The following NSUN3 variants were observed in gnomAD, a reference collection of about 807,000 sequenced individuals.
NSUN3 encodes tRNA (cytosine(34)-C(5))-methyltransferase, mitochondrial.
In NSUN3, 24 loss-of-function variants were observed where a neutral mutation model predicts 36.8. That is an observed-to-expected ratio of 0.65 (90% CI 0.47 to 0.92). NSUN3 has a LOEUF of 0.92. NSUN3 is among the 40% of genes least tolerant of loss of function. The pLI, the probability that NSUN3 is intolerant of heterozygous loss-of-function variation, is 0.00. For synonymous variants in NSUN3, 146 were observed against 145.2 expected, an observed-to-expected ratio of 1.01 and a Z score of -0.04; for missense variants, 381 against 392.8, an observed-to-expected ratio of 0.97 and a Z score of 0.25.
At chr3:94,099,362 GT>G (rs1560036822) in intron 5 of NSUN3, among the ~76,000 whole-genome samples, 1 of 152,014 alleles carries the variant, frequency 6.6e-6, no homozygotes, top group Non-Finnish European at 1.5e-5. Context: ...AGGCTCTTCT[GT>G]AGTGGCCACT....
intron 2 of NSUN3, among the ~76,000 whole-genome samples, chr3:94,079,763 T>C (rs1186554259): frequency 6.6e-6 from 1 of 152,046 alleles, no homozygotes; most frequent in African/African-American, 2.4e-5. Context: ...TCGTGCTGTG[T>C]TTTTCAGCTC....
chr3:94,082,189 A>G (rs2077272137), intron 2 of NSUN3: 1 of 152,176 alleles, frequency 6.6e-6, no homozygotes, highest in South Asian at 2.1e-4. Flanking sequence ...AACTGCCGTA[A>G]GACTTATAAT....
intron 3 of NSUN3, among the ~76,000 whole-genome samples, chr3:94,092,919 C>CA (rs1161530879): frequency 0.06 from 1,479 of 24,548 alleles, 349 homozygotes; most frequent in African/African-American, 0.21. Context: ...GACTGCATCT[C>CA]AAAAAAAAAA....
chr3:94,124,895 A>G (rs1375768651), intron 5 of NSUN3, among the ~76,000 whole-genome samples: 1 of 152,170 alleles, frequency 6.6e-6, no homozygotes, highest in Admixed American at 6.5e-5. Context: ...GGCTCAATAA[A>G]TAATAATGAG....
At chr3:94,116,032 T>C (rs993844652) in intron 5 of NSUN3, among the ~76,000 whole-genome samples, 10 of 152,216 alleles carry the variant, frequency 6.6e-5, no homozygotes, top group African/African-American at 2.4e-4. Context: ...TTATTTTAGT[T>C]TTTCAAGATC....
intron 5 of NSUN3, 135 bp from the exon 6 acceptor site, chr3:94,126,076 C>A: frequency 3.1e-5 from 20 of 645,100 alleles, no homozygotes; most frequent in Non-Finnish European, 4.3e-5. Flanking sequence ...AAAAAAAAGA[C>A]TAGAAAACAT....
In NSUN3 at chr3:94,126,052, T is replaced by C. The variant is rs1240085469; in HGVS notation, c.744-159T>C. 3.3e-5 allele frequency among the ~76,000 whole-genome samples: 5 copies of C among 150,564 alleles called. No individual in the cohort carries two copies. In the South Asian group the frequency reaches 1.0e-3, roughly 32 times the overall value. The stretch of plus-strand genomic sequence containing the variant: ...TCCAGCCTGGGTGACAAAGTTAGAC[T>C]CTGTCTCAAAAAAAAAAAAAAGACT... On this transcript the variant is annotated intron_variant, in intron 5 of 5. Transcript: ENST00000314622.
intron 3 of NSUN3, among the ~76,000 whole-genome samples, chr3:94,087,709 T>C (rs2077297439): frequency 6.6e-6 from 1 of 152,224 alleles, no homozygotes; most frequent in African/African-American, 2.4e-5. Flanking sequence ...CTTGCTCTGT[T>C]GCTCAGGCTG....
intron 2 of NSUN3, among the ~76,000 whole-genome samples, chr3:94,071,502 C>T (rs1192065800): frequency 2.6e-5 from 4 of 152,090 alleles, no homozygotes; most frequent in African/African-American, 9.7e-5. Flanking sequence ...ATTTAGTTTC[C>T]ACTGGGCACA....
At chr3:94,085,035 C>A (rs2077286012) in intron 3 of NSUN3, 1 of 151,926 alleles carries the variant, frequency 6.6e-6, no homozygotes, top group Admixed American at 6.6e-5. Context: ...TACATTCTCT[C>A]TTTTTTTTAC....
At chr3:94,102,084 A>C (rs2077368111) in intron 5 of NSUN3, among the ~76,000 whole-genome samples, 2 of 151,850 alleles carry the variant, frequency 1.3e-5, no homozygotes, top group South Asian at 4.2e-4. Context: ...TTGTGAGCTC[A>C]TTGAAAAAGG....
rs368296768 is a variant in NSUN3 at position 94,095,039 on chromosome 3, G to T, written c.628G>T (p.Val210Leu). ...TTGTCTTTTTTTTCTCTAGGTGTTA[G>T]TGGATGCTCCGTGTTCAAATGATCG... ...AQPEMFDKVL[V>L]DAPCSNDRSW... The change falls in exon 5 of 6, where the codon GTG becomes TTG. Residue 210 changes from valine to leucine, a missense_variant. Transcript: ENST00000314622. 1 of 1,613,750 alleles carries T rather than the reference G, an allele frequency of 6.2e-7. No individual in the cohort carries two copies. The highest frequency in any genetic ancestry group is 1.3e-5 in the African/African-American group (1 of 74,906).
intron 5 of NSUN3, among the ~76,000 whole-genome samples, chr3:94,118,433 A>G (rs2077449047): frequency 6.6e-6 from 1 of 152,160 alleles, no homozygotes; most frequent in Admixed American, 6.5e-5. Context: ...TTTAAGTATG[A>G]TTAGAAAGTT....
chr3:94,097,432 C>T lies in NSUN3; in HGVS notation c.743+2278C>T, dbSNP rs543104543. ...GATCTACTTTGTTCTCTTTAACTTA[C>T]GTGAAACATTCAAGAGGATCTATTG... On this transcript the variant is annotated intron_variant, in intron 5 of 5. Transcript: ENST00000314622. 9.2e-5 allele frequency among the ~76,000 whole-genome samples: 14 copies of T among 151,686 alleles called. 1 individual carries two copies. In the South Asian group the frequency reaches 2.3e-3, roughly 25 times the overall value.
chr3:94,077,726 A>G (rs1303315602), intron 2 of NSUN3, among the ~76,000 whole-genome samples: 1 of 152,216 alleles, frequency 6.6e-6, no homozygotes, highest in African/African-American at 2.4e-5. Context: ...TCATTTGCAT[A>G]GAGGTGTTTA....
chr3:94,076,704 G>T, intron 2 of NSUN3: 2 of 1,289,410 alleles, frequency 1.6e-6, no homozygotes, highest in Non-Finnish European at 2.3e-6. Flanking sequence ...GGTTTAGGAT[G>T]TTTTGTATAG....
Position 94,129,569 on chromosome 3 carries a change from C to T in NSUN3, c.*3079C>T, listed in dbSNP as rs892335844. On this transcript the variant is annotated 3_prime_UTR_variant, in exon 6 of 6. Transcript: ENST00000314622. ...GCACTCACTACCTGGGTGACGGGATCGTCTGTACCCCAAACCTCAGCATCA... is the reference window on the plus strand; with the variant it reads ...GCACTCACTACCTGGGTGACGGGATTGTCTGTACCCCAAACCTCAGCATCA... 2.0e-5 allele frequency among the ~76,000 whole-genome samples: 3 copies of T among 151,880 alleles called. No homozygotes were observed. Among genetic ancestry groups the T allele is most frequent in the African/African-American group, 7.3e-5 (3 of 41,332 alleles).
intron 2 of NSUN3, among the ~76,000 whole-genome samples, 157 bp downstream of exon 2, chr3:94,064,703 T>C (rs890099053): frequency 2.6e-5 from 4 of 152,086 alleles, no homozygotes; most frequent in Admixed American, 1.3e-4. Context: ...TAAGAAGAAA[T>C]AGAATGAATC....
intron 2 of NSUN3, among the ~76,000 whole-genome samples, chr3:94,077,565 T>C (rs746252323): frequency 6.6e-6 from 1 of 152,210 alleles, no homozygotes; most frequent in Non-Finnish European, 1.5e-5. Context: ...ATTCATCTGG[T>C]CCTGGACTTT....
Sources: allele counts gnomAD v4.1 joint callset (sites outside exome capture counted in the v4.1 genomes callset), GRCh38; gene constraint gnomAD v4.1.1; transcripts MANE v1.5; gene names NCBI Gene and HGNC (gene_info 2026-07-23, HGNC 2026-07-21).